Variants in KALRN observed in about 807,000 individuals in gnomAD.
KALRN encodes kalirin.
In KALRN, 70 loss-of-function variants were observed where a neutral mutation model predicts 353.7. The ratio of observed to expected loss-of-function variants is 0.20; its 90% CI spans 0.16 to 0.24. KALRN has a LOEUF of 0.24. KALRN is among the 10% of genes least tolerant of loss of function. The pLI, the probability that KALRN is intolerant of heterozygous loss-of-function variation, is 1.00. For synonymous variants in KALRN, 1,391 were observed against 1,434.8 expected (o/e 0.97, Z 0.69); for missense variants, 2,791 against 3,756.7 (o/e 0.74, Z 6.72).
intron 33 of KALRN, among the ~76,000 whole-genome samples, chr3:124,536,796 A>G (rs1256827955): frequency 1.3e-5 from 2 of 152,358 alleles, no homozygotes; most frequent in African/African-American, 2.4e-5. Flanking sequence ...TGATGCCACA[A>G]TGAAAAGCCC....
At chr3:124,112,986 G>A (rs2063129404) in intron 1 of KALRN, among the ~76,000 whole-genome samples, 1 of 152,098 alleles carries the variant, frequency 6.6e-6, no homozygotes, top group Non-Finnish European at 1.5e-5. Flanking sequence ...TAAAGCTGTT[G>A]ATTTATGTAC....
At chr3:124,685,448 G>A (rs1014954565) in intron 51 of KALRN, among the ~76,000 whole-genome samples, 3 of 152,204 alleles carry the variant, frequency 2.0e-5, no homozygotes, top group Non-Finnish European at 2.9e-5. Context: ...GTTCAGGGAG[G>A]TCAAGGTCAT....
chr3:124,660,285 G>C (rs1480696785), intron 43 of KALRN, among the ~76,000 whole-genome samples: 2 of 152,118 alleles, frequency 1.3e-5, no homozygotes, highest in Non-Finnish European at 1.5e-5. Flanking sequence ...GAACTAGGAG[G>C]CTAAATAGAA....
chr3:124,581,787 T>C (rs573059329), intron 34 of KALRN, among the ~76,000 whole-genome samples: 2 of 152,158 alleles, frequency 1.3e-5, no homozygotes, highest in African/African-American at 4.8e-5. Context: ...AAAGTTAATT[T>C]TTACAGACAG....
At chr3:124,574,278 A>G (rs1301400326) in intron 34 of KALRN, among the ~76,000 whole-genome samples, 3 of 152,242 alleles carry the variant, frequency 2.0e-5, no homozygotes, top group African/African-American at 7.2e-5. Flanking sequence ...GAACTGAAGC[A>G]GGAAGACCCA....
chr3:124,196,037 A>G (rs1307207708), intron 1 of KALRN, among the ~76,000 whole-genome samples: 1 of 152,174 alleles, frequency 6.6e-6, no homozygotes, highest in African/African-American at 2.4e-5. Flanking sequence ...TAAATGGGAA[A>G]GGATTAGGGT....
At chr3:124,310,109 C>T (rs372583536) in intron 6 of KALRN, among the ~76,000 whole-genome samples, 1 of 151,868 alleles carries the variant, frequency 6.6e-6, no homozygotes, top group African/African-American at 2.4e-5. Flanking sequence ...AATTGTCTTT[C>T]CATGCACTTA....
intron 4 of KALRN, 98 bp from the exon 5 acceptor site, chr3:124,268,642 CATT>C (rs2073838374): frequency 3.2e-6 from 4 of 1,255,712 alleles, no homozygotes; most frequent in Non-Finnish European, 2.3e-6. Flanking sequence ...AGGCTGTGGT[CATT>C]ATTATGTGGA....
rs559209648 is a variant in KALRN at position 124,152,201 on chromosome 3, T to A, written c.74-75789T>A. 8 of 1,580,672 alleles carry A rather than the reference T, an allele frequency of 5.1e-6. No individual in the cohort carries two copies. In the South Asian group the frequency reaches 8.8e-5, roughly 17 times the overall value. On this transcript the variant is annotated intron_variant, in intron 1 of 59. Transcript: ENST00000682506. ...GTGTTATCTGTCAAAGCAATTCGCTTCTTATTGATTTTGCCATAACCACGC... is the reference window on the plus strand; with the variant it reads ...GTGTTATCTGTCAAAGCAATTCGCTACTTATTGATTTTGCCATAACCACGC...
chr3:124,222,378 G>A (rs759373947), intron 1 of KALRN, among the ~76,000 whole-genome samples: 33 of 152,186 alleles, frequency 2.2e-4, no homozygotes, highest in Admixed American at 5.2e-4. Context: ...GGTAATGGCT[G>A]AATCTCTGGA....
chr3:124,496,239 AT>A, intron 32 of KALRN, 71 bp from the exon 33 acceptor site: 2 of 1,151,496 alleles, frequency 1.7e-6, no homozygotes, highest in Non-Finnish European at 2.6e-6. Context: ...CCAACCGGAA[AT>A]CCTTGTGTGC....
chr3:124,251,862 C>T (rs2071222720), intron 3 of KALRN, among the ~76,000 whole-genome samples: 1 of 152,170 alleles, frequency 6.6e-6, no homozygotes, highest in Admixed American at 6.6e-5. Flanking sequence ...CACACTCTGC[C>T]TGGAAGAGAA....
intron 11 of KALRN, among the ~76,000 whole-genome samples, chr3:124,385,800 T>C (rs2088178019): frequency 6.6e-6 from 1 of 152,192 alleles, no homozygotes; most frequent in African/African-American, 2.4e-5. Flanking sequence ...ACATGGGACA[T>C]GCTGAAATTG....
At chr3:124,630,019 C>A (rs1268418446) in intron 34 of KALRN, among the ~76,000 whole-genome samples, 2 of 152,168 alleles carry the variant, frequency 1.3e-5, no homozygotes, top group Non-Finnish European at 2.9e-5. Flanking sequence ...GAATGCCCAG[C>A]TTTCTCAATA....
intron 32 of KALRN, among the ~76,000 whole-genome samples, chr3:124,494,404 A>G (rs1336050638): frequency 2.0e-5 from 3 of 152,268 alleles, no homozygotes; most frequent in Non-Finnish European, 4.4e-5. Context: ...AGGGCCCACC[A>G]TGGGCCAGAA....
rs140291354 is a variant in KALRN at position 124,490,633 on chromosome 3, A to G, written c.4397-61A>G. 868 of 1,510,264 alleles carry G rather than the reference A, an allele frequency of 5.7e-4. 5 individuals are homozygous for G. In the East Asian group the frequency reaches 8.6e-3, roughly 15 times the overall value. The allele number at this position is 1,510,264 out of a possible 1,614,324, so 93.6% of individuals were successfully genotyped here. A position where few individuals can be genotyped will look rare whatever the true frequency, so the allele number is the denominator to read the frequency against. The stretch of plus-strand genomic sequence containing the variant: ...GGCCTTTCTCCAAGAGGGGGGTGGA[A>G]CATGGCCCCCTGACTGTGGCAGTAG... On this transcript the variant is annotated intron_variant, in intron 29 of 59. Transcript: ENST00000682506.
chr3:124,518,570 G>T (rs1321808891), intron 33 of KALRN: 1 of 1,604,520 alleles, frequency 6.2e-7, no homozygotes, highest in African/African-American at 1.3e-5. Context: ...TCTCTGGCAG[G>T]GCTGGTGTGG....
intron 3 of KALRN, among the ~76,000 whole-genome samples, chr3:124,244,412 T>C (rs541236556): frequency 7.1e-4 from 108 of 152,206 alleles, no homozygotes; most frequent in South Asian, 2.9e-3. Context: ...AATTTTTGTA[T>C]TTTTAGTAGA....
rs950358380 is a variant in KALRN, at chr3:124,334,407, A to G, written c.1559A>G (p.Gln520Arg). Residue 520 changes from glutamine (Q) to arginine (R), a missense_variant, in exon 9 of 60, where the codon CAG (glutamine) becomes CGG (arginine). Coordinates refer to ENST00000682506, the MANE Select transcript of KALRN (RefSeq NM_001388419.1). This position sits in a 1 kb window ranked among gnomAD's most constrained non-coding sequence, Gnocchi z 4.2. Reference protein sequence around the residue: ...LDVVHEVLHHQRRLESIWQHR... With the variant: ...LDVVHEVLHHRRRLESIWQHR... ...GTGGTGCATGAGGTGTTACATCACCAGCGACGGCTGGAGAGCATCTGGCAG... is the reference window on the plus strand; with the variant it reads ...GTGGTGCATGAGGTGTTACATCACCGGCGACGGCTGGAGAGCATCTGGCAG... 7 of 1,614,076 alleles carry G rather than the reference A, an allele frequency of 4.3e-6. No homozygotes were observed. The highest frequency in any genetic ancestry group is 5.9e-6 in the Non-Finnish European group (7 of 1,180,032).
Sources: gnomAD v4.1 joint callset for allele counts (sites outside exome capture counted in the v4.1 genomes callset) on GRCh38, gnomAD v4.1.1 for gene constraint, Gnocchi (gnomAD v3.1) non-coding constraint, MANE v1.5 for transcripts, NCBI Gene and HGNC (gene_info 2026-07-23, HGNC 2026-07-21) for gene names.